ANKRD50: variants seen among roughly 807,000 people sequenced by gnomAD.
ANKRD50 encodes ankyrin repeat domain-containing protein 50.
Under a neutral mutation model 112.0 loss-of-function variants are expected in ANKRD50, and 40 were observed. That is an observed-to-expected ratio of 0.36 (90% confidence interval 0.28 to 0.46). The LOEUF (loss-of-function observed/expected upper bound fraction) is 0.46. ANKRD50 is among the 20% of genes least tolerant of loss of function. The pLI is 1.00. For missense variants in ANKRD50, 1,487 were observed against 1,701.7 expected (o/e 0.87, Z 2.22); for synonymous variants, 613 against 619.1 (o/e 0.99, Z 0.15).
intron 2 of ANKRD50, 151 bp downstream of exon 2, chr4:124,709,849 C>G: frequency 9.6e-7 from 1 of 1,037,476 alleles, no homozygotes; most frequent in Non-Finnish European, 1.4e-6. Flanking sequence ...CTTTGATATT[C>G]AAAGTAAACA....
rs1268850872 is a variant in ANKRD50 at position 124,672,494 on chromosome 4, A to G, written c.783T>C (p.Tyr261=). 2 of 1,604,428 alleles carry G rather than the reference A, an allele frequency of 1.2e-6. No homozygotes were observed. Among genetic ancestry groups the G allele is most frequent in the South Asian group, 1.1e-5 (1 of 88,202 alleles). Residue 261 remains tyrosine, a synonymous_variant, in exon 4 of 5, where the codon TAT becomes TAC. Transcript: ENST00000504087. ...TGTACTGCTGAACATCCTTGACGAT[A>G]TATGCCTTCCGAAGGTCATCTAAAC... is the stretch of plus-strand genomic sequence containing the variant. ...KISLDDLRKA[Y]IVKDVQQYIL...
chr4:124,709,500 A>T (rs1725580060), intron 2 of ANKRD50, among the ~76,000 whole-genome samples: 1 of 152,126 alleles, frequency 6.6e-6, no homozygotes, highest in African/African-American at 2.4e-5. Flanking sequence ...TTAATAGGAG[A>T]ATAAATCCCA....
chr4:124,687,025 T>C (rs1725020666), intron 2 of ANKRD50, among the ~76,000 whole-genome samples: 1 of 152,090 alleles, frequency 6.6e-6, no homozygotes, highest in African/African-American at 2.4e-5. Flanking sequence ...CTTCAAAAAA[T>C]AATTATAAAA....
intron 2 of ANKRD50, among the ~76,000 whole-genome samples, chr4:124,680,544 C>A (rs1724861847): frequency 6.6e-6 from 1 of 152,212 alleles, no homozygotes; most frequent in Non-Finnish European, 1.5e-5. Flanking sequence ...AAGGAACATG[C>A]TGAGTTTGGG....
Position 124,672,031 on chromosome 4 carries a change from G to C in ANKRD50, c.1246C>G (p.Leu416Val). ...TTCTGAGTACAGTGTTTCACATCCA[G>C]AAGCCACTCGGCAAAACTATAATGA... ...LFHYSFAEWL[L>V]DVKHCTQKYL... The change falls in exon 4 of 5, where the codon CTG (leucine) becomes GTG (valine). Residue 416 changes from leucine to valine, a missense_variant. Physicochemically the swap from Leu to Val is conservative, Grantham distance 32 (BLOSUM62 1). Around this residue, in one of 2 missense-constraint regions of ANKRD50, gnomAD observed 1,046 missense variants for 1,269.5 expected, o/e 0.82. Transcript: ENST00000504087. 6.2e-7 allele frequency: 1 copy of C among 1,613,786 alleles called. No individual in the cohort carries two copies. The highest frequency in any genetic ancestry group is 8.5e-7 in the Non-Finnish European group (1 of 1,179,868).
rs116968280 is a variant in ANKRD50, at chr4:124,700,718, A to C, written c.512+9282T>G. Among the ~76,000 whole-genome samples the C allele has an allele frequency of 3.8e-3, 580 of 152,294 alleles. 10 individuals carry two copies. In the East Asian group the frequency reaches 0.042, roughly 11 times the overall value. ...AACTCTGTGACTTAAAGTAACAAGC[A>C]TTTTAGCTTTCTTCTGCATCTCTGC... On this transcript the variant is annotated intron_variant, in intron 2 of 4. Coordinates refer to ENST00000504087, the MANE Select transcript of ANKRD50 (RefSeq NM_020337.3).
intron 2 of ANKRD50, among the ~76,000 whole-genome samples, chr4:124,679,522 T>C (rs1219778136): frequency 6.6e-6 from 1 of 152,334 alleles, no homozygotes; most frequent in Non-Finnish European, 1.5e-5. Context: ...GCATTTCTTA[T>C]GCGTGTAACT....
At chr4:124,689,083 T>C (rs1725072564) in intron 2 of ANKRD50, among the ~76,000 whole-genome samples, 1 of 152,194 alleles carries the variant, frequency 6.6e-6, no homozygotes, top group African/African-American at 2.4e-5. Flanking sequence ...ATAACAAATG[T>C]AATTAATCAA....
At chr4:124,699,822 A>C (rs1725347945) in intron 2 of ANKRD50, among the ~76,000 whole-genome samples, 1 of 151,844 alleles carries the variant, frequency 6.6e-6, no homozygotes, top group Non-Finnish European at 1.5e-5. Context: ...AACATGGCTA[A>C]AGCAATAAAA....
Position 124,712,706 on chromosome 4 carries a change from G to A in ANKRD50, c.-1012C>T. The A allele has an allele frequency of 6.4e-6, 1 of 157,416 alleles. No individual in the cohort carries two copies. The highest frequency in any genetic ancestry group is 1.8e-4 in the South Asian group (1 of 5,708). 9.8% of individuals were successfully genotyped at this position (157,416 alleles called of 1,614,324 possible). A position where few individuals can be genotyped will look rare whatever the true frequency, so the allele number is the denominator to read the frequency against. ...CCCCAGCCCCCACCGGCCAACCGCC[G>A]CCGCCGCCGCCGTCAGGGCAGTAAC... is the stretch of plus-strand genomic sequence containing the variant. On this transcript the variant is annotated 5_prime_UTR_variant, in exon 1 of 5. Transcript: ENST00000504087.
At position 124,669,068 on chromosome 4, in the gene ANKRD50, T is replaced by C; in HGVS notation, c.4209A>G (p.Glu1403=). 1 of 1,613,472 alleles carries C rather than the reference T, an allele frequency of 6.2e-7. No homozygotes were observed. Among genetic ancestry groups the C allele is most frequent in the Non-Finnish European group, 8.5e-7 (1 of 1,179,662 alleles). Residue 1403 remains glutamate (E), a synonymous_variant, in exon 4 of 5, where the codon GAA becomes GAG. Coordinates refer to ENST00000504087, the MANE Select transcript of ANKRD50 (RefSeq NM_020337.3). ...GCTTCAGAGCTTGTTTAAGGCTTAA[T>C]TCTGTCTCTGAGGAAGGGTATCCCT... is the stretch of plus-strand genomic sequence containing the variant. The part of the protein sequence containing the change: ...VLEGYPSSET[E]LSLKQALKLQ...
Position 124,671,767 on chromosome 4 carries a change from C to A in ANKRD50, c.1510G>T (p.Gly504Trp), listed in dbSNP as rs1213628136. 1 of 1,613,752 alleles carries A rather than the reference C, an allele frequency of 6.2e-7. No individual in the cohort carries two copies. Among genetic ancestry groups the A allele is most frequent in the Non-Finnish European group, 8.5e-7 (1 of 1,179,866 alleles). ...QEVLQLLVKA[G>W]AHVNSEDDRT... Reference sequence around the variant, plus strand: ...TCGTCTTCACTGTTGACATGAGCCCCAGCTTTAACCAACAGCTGTAGCACT... The same window carrying A: ...TCGTCTTCACTGTTGACATGAGCCCAAGCTTTAACCAACAGCTGTAGCACT... The change falls in exon 4 of 5, where the codon GGG becomes TGG. Residue 504 changes from glycine (G) to tryptophan (W), a missense_variant. Physicochemically the swap from Gly to Trp is radical, Grantham distance 184. Around this residue, in one of 2 missense-constraint regions of ANKRD50, gnomAD observed 1,046 missense variants for 1,269.5 expected, o/e 0.82. Coordinates refer to ENST00000504087, the MANE Select transcript of ANKRD50 (RefSeq NM_020337.3).
At chr4:124,675,449 T>A (rs1050896881) in intron 3 of ANKRD50, among the ~76,000 whole-genome samples, 1 of 151,682 alleles carries the variant, frequency 6.6e-6, no homozygotes, top group Admixed American at 6.6e-5. Context: ...AAATAAAATA[T>A]GTAGGCATTA....
At chr4:124,704,131 T>A (rs1301700571) in intron 2 of ANKRD50, among the ~76,000 whole-genome samples, 1 of 152,210 alleles carries the variant, frequency 6.6e-6, no homozygotes, top group African/African-American at 2.4e-5. Flanking sequence ...TGATGATCTT[T>A]AGACTAAAAG....
chr4:124,687,862 C>T (rs1250759409), intron 2 of ANKRD50, among the ~76,000 whole-genome samples: 1 of 152,176 alleles, frequency 6.6e-6, no homozygotes, highest in African/African-American at 2.4e-5. Context: ...ACCCTGACAA[C>T]ACCAAGTGCT....
At chr4:124,711,757 GT>G (rs777867631) in intron 1 of ANKRD50, among the ~76,000 whole-genome samples, 31 of 136,818 alleles carry the variant, frequency 2.3e-4, no homozygotes, top group Non-Finnish European at 4.1e-4. Context: ...ATGGGAAACG[GT>G]TTAAAAAAAA....
intron 2 of ANKRD50, among the ~76,000 whole-genome samples, chr4:124,699,621 A>T (rs906712369): frequency 6.6e-6 from 1 of 152,182 alleles, no homozygotes; most frequent in African/African-American, 2.4e-5. Context: ...GACTCTCATC[A>T]AATAACATAA....
At position 124,670,014 on chromosome 4, in the gene ANKRD50, T is replaced by C; in HGVS notation, c.3263A>G (p.Asn1088Ser). ...GRTAMRVAAKNGHSQIIKLLE... is the reference protein window; with the variant it reads ...GRTAMRVAAKSGHSQIIKLLE... Reference sequence around the variant, plus strand: ...TAATTTAATTATCTGAGAATGTCCATTTTTGGCTGCAACACGCATAGCAGT... The same window carrying C: ...TAATTTAATTATCTGAGAATGTCCACTTTTGGCTGCAACACGCATAGCAGT... Residue 1088 changes from asparagine (N) to serine (S), a missense_variant, in exon 4 of 5, where the codon AAT becomes AGT. Around this residue, in one of 2 missense-constraint regions of ANKRD50, gnomAD observed 441 missense variants for 432.2 expected, o/e 1.02. Transcript: ENST00000504087. 1.2e-6 allele frequency: 2 copies of C among 1,610,044 alleles called. No individual in the cohort carries two copies. The highest frequency in any genetic ancestry group is 2.2e-5 in the East Asian group (1 of 44,838).
chr4:124,690,596 A>C (rs1725113957), intron 2 of ANKRD50, among the ~76,000 whole-genome samples: 1 of 152,228 alleles, frequency 6.6e-6, no homozygotes, highest in Admixed American at 6.5e-5. Flanking sequence ...TTTAAAATAA[A>C]TAGCATTACC....
Sources: allele counts gnomAD v4.1 joint callset (sites outside exome capture counted in the v4.1 genomes callset), GRCh38; gene constraint gnomAD v4.1.1; regional missense constraint gnomAD v4.1.1; transcripts MANE v1.5; gene names NCBI Gene and HGNC (gene_info 2026-07-23, HGNC 2026-07-21).